The following COQ6 variants were observed in gnomAD, a reference collection of about 807,000 sequenced individuals.
The protein encoded by COQ6 is ubiquinone biosynthesis monooxygenase COQ6, mitochondrial.
Under a neutral mutation model 55.5 loss-of-function variants are expected in COQ6, and 45 were observed. That is an observed-to-expected ratio of 0.81 (90% CI 0.64 to 1.04). COQ6 has a LOEUF of 1.04. COQ6 is among the 50% of genes least tolerant of loss of function. COQ6 has a pLI of 0.00. For synonymous variants in COQ6, 206 were observed against 230.5 expected, an observed-to-expected ratio of 0.89 and a Z score of 0.96; for missense variants, 550 against 601.3, an observed-to-expected ratio of 0.91 and a Z score of 0.89.
intron 2 of COQ6, 126 bp downstream of exon 2, chr14:73,953,695 G>A: frequency 7.8e-7 from 1 of 1,287,280 alleles, no homozygotes; most frequent in Non-Finnish European, 1.1e-6. Flanking sequence ...GTGGAGAGAG[G>A]GGGTGGGATT....
intron 5 of COQ6, 31 bp from the exon 6 acceptor site, chr14:73,958,940 G>A: frequency 6.2e-7 from 1 of 1,612,692 alleles, no homozygotes; most frequent in Non-Finnish European, 8.5e-7. Context: ...GAAGAGGCTG[G>A]AAGACTTAGC....
rs1030564220 is a variant in COQ6, at chr14:73,963,359, G to A, written c.*360G>A. 5.3e-6 allele frequency: 2 copies of A among 376,040 alleles called. No individual in the cohort carries two copies. The highest frequency in any genetic ancestry group is 9.5e-6 in the Non-Finnish European group (2 of 211,012). The allele number at this position is 376,040 out of a possible 1,614,324, so 23.3% of individuals were successfully genotyped here. A position where few individuals can be genotyped will look rare whatever the true frequency, so the allele number is the denominator to read the frequency against. ...TTAATGTTGGTCATAAATTTATACA[G>A]TTGTTTTTTGATAGAGGTAAGAATT... On this transcript the variant is annotated 3_prime_UTR_variant, in exon 12 of 12. Coordinates refer to ENST00000334571, the MANE Select transcript of COQ6 (RefSeq NM_182476.3).
rs942186796 is a variant in COQ6, at chr14:73,950,718, A to G, written c.163+223A>G. The G allele has an allele frequency of 9.7e-6, 6 of 615,782 alleles. No homozygotes were observed. The African/African-American group carries it at 1.1e-4, about 11-fold the overall frequency. 38.1% of individuals were successfully genotyped at this position (615,782 alleles called of 1,614,324 possible). On this transcript the variant is annotated intron_variant, in intron 1 of 11. Coordinates refer to ENST00000334571, the MANE Select transcript of COQ6 (RefSeq NM_182476.3). ...GGGGCGTTCAGAGTCTGTTCTACTC[A>G]TGGGAAAACAGGCCTTCCCGGGGTT...
intron 2 of COQ6, chr14:73,953,915 G>T: frequency 5.5e-6 from 2 of 360,362 alleles, no homozygotes; most frequent in South Asian, 5.4e-5. Context: ...CCTGAGTCAA[G>T]CCTTCTAGCA....
At chr14:73,954,146 T>C (rs141629472) in intron 2 of COQ6, among the ~76,000 whole-genome samples, 1 of 152,360 alleles carries the variant, frequency 6.6e-6, no homozygotes, top group Non-Finnish European at 1.5e-5. Context: ...TTATATTATG[T>C]GTTTGTTTTT....
In COQ6 at chr14:73,961,471, G is replaced by A. The variant is rs528712914; in HGVS notation, c.1111G>A (p.Val371Ile). ...VALIGDAAHR[V>I]HPLAGQGVNM... Reference sequence around the variant, plus strand: ...TATTCTTAGGGATGCAGCCCACAGAGTCCATCCGCTTGCAGGACAGGGTGT... The same window carrying A: ...TATTCTTAGGGATGCAGCCCACAGAATCCATCCGCTTGCAGGACAGGGTGT... The change falls in exon 10 of 12, where the codon GTC becomes ATC. Residue 371 changes from valine (V) to isoleucine (I), a missense_variant. Coordinates refer to ENST00000334571, the MANE Select transcript of COQ6 (RefSeq NM_182476.3). The A allele has an allele frequency of 3.1e-6, 5 of 1,614,200 alleles. No individual in the cohort carries two copies. In the South Asian group the frequency reaches 5.5e-5, roughly 18 times the overall value.
In COQ6 at chr14:73,955,920, C is replaced by CTG. The variant is rs2056408785; in HGVS notation, c.477_478dup (p.Ser160CysfsTer5). 1 of 1,614,066 alleles carries CTG rather than the reference C, an allele frequency of 6.2e-7. No homozygotes were observed. The highest frequency in any genetic ancestry group is 2.2e-5 in the East Asian group (1 of 44,878). ...CATGCTCTCACTAAGCAGTTGGAGG[C>CTG]TGTGTCTGGTGAGGCCCCCATCTTC... On this transcript the variant is annotated frameshift_variant, in exon 4 of 12. Transcript: ENST00000334571. LOFTEE classifies it high-confidence loss of function.
rs537411528 is a variant in COQ6 at position 73,955,195 on chromosome 14, C to T, written c.299-256C>T. Reference sequence around the variant, plus strand: ...GTCTCTATCTCCTGATCTCGTGATCCGCCCGCCTCAGTCTCCCAAAGTGCT... The same window carrying T: ...GTCTCTATCTCCTGATCTCGTGATCTGCCCGCCTCAGTCTCCCAAAGTGCT... On this transcript the variant is annotated intron_variant, in intron 2 of 11. Transcript: ENST00000334571. The T allele has an allele frequency of 2.9e-4, 150 of 516,954 alleles. 1 individual carries two copies. The highest frequency in any genetic ancestry group is 2.4e-3 in the South Asian group (115 of 47,488). The allele number at this position is 516,954 out of a possible 1,614,324, so 32.0% of individuals were successfully genotyped here.
chr14:73,961,326 G>C lies in COQ6; in HGVS notation c.1045G>C (p.Gly349Arg). The stretch of plus-strand genomic sequence containing the variant: ...CAAAAGCCGAGTTCTGTTTCCTCTT[G>C]GGTTGGGACATGCTGCTGAGTACGT... ...DAKSRVLFPL[G>R]LGHAAEYVRP... The change falls in exon 9 of 12, where the codon GGG (glycine) becomes CGG (arginine). Residue 349 changes from glycine to arginine, a missense_variant. Transcript: ENST00000334571. 1.2e-6 allele frequency: 2 copies of C among 1,614,202 alleles called. No homozygotes were observed. Among genetic ancestry groups the C allele is most frequent in the Non-Finnish European group, 1.7e-6 (2 of 1,180,038 alleles).
At position 73,958,470 on chromosome 14, in the gene COQ6, T is replaced by G. The variant is rs570018263; in HGVS notation, c.612+193T>G. 4.3e-4 allele frequency: 616 copies of G among 1,440,286 alleles called. 1 individual carries two copies. The highest frequency in any genetic ancestry group is 7.9e-4 in the Middle Eastern group (3 of 3,798). 89.2% of individuals were successfully genotyped at this position (1,440,286 alleles called of 1,614,324 possible). On this transcript the variant is annotated intron_variant, in intron 5 of 11. Transcript: ENST00000334571. ...AAATCCTGTACAGGGAGCAATCTCA[T>G]GGGCCGTCTTAGGTTGTGAAATAAC...
intron 3 of COQ6, 31 bp from the exon 4 acceptor site, chr14:73,955,774 T>G: frequency 6.2e-7 from 1 of 1,614,180 alleles, no homozygotes; most frequent in Non-Finnish European, 8.5e-7. Flanking sequence ...CCCTCTTGGT[T>G]TTAATGCAGA....
intron 8 of COQ6, 54 bp downstream of exon 8, chr14:73,959,576 GT>G: frequency 6.2e-7 from 1 of 1,613,182 alleles, no homozygotes; most frequent in South Asian, 1.1e-5. Flanking sequence ...ATACAGAAAG[GT>G]GTTGTTTTTT....
At position 73,955,564 on chromosome 14, in the gene COQ6, C is replaced by T. The variant is rs75483769; in HGVS notation, c.357+55C>T. ...GATGTCTTGGTCTGTCTTAAGATAT[C>T]GGAGTCCACTTTCTCCAAGTGTTCT... On this transcript the variant is annotated intron_variant, in intron 3 of 11. Coordinates refer to ENST00000334571, the MANE Select transcript of COQ6 (RefSeq NM_182476.3). 2,596 of 1,528,844 alleles carry T rather than the reference C, an allele frequency of 1.7e-3. 44 individuals carry two copies. In the African/African-American group the frequency reaches 0.032, roughly 19 times the overall value. 94.7% of individuals were successfully genotyped at this position (1,528,844 alleles called of 1,614,324 possible).
At chr14:73,952,114 CTTTTTTTT>C (rs869273031) in intron 1 of COQ6, among the ~76,000 whole-genome samples, 3 of 73,726 alleles carry the variant, frequency 4.1e-5, no homozygotes, top group South Asian at 6.0e-4. Context: ...CTGGAGCTAA[CTTTTTTTT>C]TTTTTTTTTT....
chr14:73,959,030 C>T lies in COQ6; in HGVS notation c.672C>T (p.Ser224=), dbSNP rs1188973374. The T allele has an allele frequency of 6.2e-7, 1 of 1,614,174 alleles. No homozygotes were observed. The highest frequency in any genetic ancestry group is 1.3e-5 in the African/African-American group (1 of 75,038). Residue 224 remains serine (S), a synonymous_variant, in exon 6 of 12, where the codon AGC becomes AGT. Transcript: ENST00000334571. Reference sequence around the variant, plus strand: ...AGGCTGTTGGAATCCAGAATGTGAGCTGGAACTATGACCAGTCTGCTGTTG... The same window carrying T: ...AGGCTGTTGGAATCCAGAATGTGAGTTGGAACTATGACCAGTCTGCTGTTG... ...VRQAVGIQNV[S]WNYDQSAVVA... is the part of the protein sequence containing the mutation.
rs760665943 is a variant in COQ6 at position 73,955,457 on chromosome 14, G to A, written c.305G>A (p.Gly102Asp). ...PGSATLLSSF[G>D]AWDHICNMRY... ...TAGATCCTTTCTTTTGTAGGTTTTG[G>A]TGCCTGGGACCATATCTGCAACATG... is the stretch of plus-strand genomic sequence containing the variant. The change falls in exon 3 of 12, where the codon GGT (glycine) becomes GAT (aspartate). Residue 102 changes from glycine to aspartate, a missense_variant. Physicochemically the swap from Gly to Asp is moderately conservative, Grantham distance 94. Transcript: ENST00000334571. 2.5e-6 allele frequency: 4 copies of A among 1,614,050 alleles called. No individual in the cohort carries two copies. The highest frequency in any genetic ancestry group is 2.2e-5 in the East Asian group (1 of 44,890).
chr14:73,958,430 A>C (rs934237204), intron 5 of COQ6, 153 bp downstream of exon 5: 20 of 1,504,654 alleles, frequency 1.3e-5, no homozygotes, highest in Non-Finnish European at 1.2e-5. Context: ...GCTCAAGTGG[A>C]GATGGTCTCA....
At chr14:73,962,017 C>T (rs1295568365) in intron 11 of COQ6, 114 bp downstream of exon 11, 4 of 1,212,906 alleles carry the variant, frequency 3.3e-6, no homozygotes, top group Admixed American at 1.8e-5. Flanking sequence ...GCACAATTTC[C>T]ACTCACTGCA....
chr14:73,955,065 C>A (rs1488890320), intron 2 of COQ6, among the ~76,000 whole-genome samples: 2 of 150,540 alleles, frequency 1.3e-5, no homozygotes, highest in Admixed American at 1.3e-4. Context: ...CATTCTCCTG[C>A]CTCAGCCTCT....
Sources: gnomAD v4.1 joint callset for allele counts (sites outside exome capture counted in the v4.1 genomes callset) on GRCh38, gnomAD v4.1.1 for gene constraint, MANE v1.5 for transcripts, NCBI Gene and HGNC (gene_info 2026-07-23, HGNC 2026-07-21) for gene names.